NAPB: variants seen among roughly 807,000 people sequenced by gnomAD.
The protein encoded by NAPB is NSF attachment protein beta.
Under a neutral mutation model 44.7 loss-of-function variants are expected in NAPB, and 26 were observed. That is an observed-to-expected ratio of 0.58 (90% CI 0.43 to 0.81). The LOEUF is 0.81. Among genes scored for constraint, NAPB ranks in the 30% least tolerant of loss-of-function variants. The probability of loss-of-function intolerance (pLI) is 0.00; values close to 1 mark genes in which losing one functional copy is unlikely to be tolerated. For missense variants in NAPB, 315 were observed against 356.4 expected, an observed-to-expected ratio of 0.88 and a Z score of 0.94; for synonymous variants, 120 against 116.8, an observed-to-expected ratio of 1.03 and a Z score of -0.18.
chr20:23,415,156 C>G (rs1448461899), intron 1 of NAPB, among the ~76,000 whole-genome samples: 1 of 151,984 alleles, frequency 6.6e-6, no homozygotes, highest in African/African-American at 2.4e-5. Context: ...GTCTGAAAAT[C>G]AAGATATCAG....
rs1023785911 is a variant in NAPB at position 23,374,844 on chromosome 20, AAG to A, written c.*2530_*2531del. ...ACTGCTTTCAAATCATTAAATAAAA[AAG>A]AACTCACACAAGCTATAAAAATGTT... is the stretch of plus-strand genomic sequence containing the variant. On this transcript the variant is annotated 3_prime_UTR_variant, in exon 11 of 11. Coordinates refer to ENST00000377026, the MANE Select transcript of NAPB (RefSeq NM_022080.3). The A allele has an allele frequency of 7.2e-5, 11 of 152,376 alleles. No homozygotes were observed. The highest frequency in any genetic ancestry group is 1.9e-4 in the East Asian group (1 of 5,166). The allele number at this position is 152,376 out of a possible 1,614,324, so 9.4% of individuals were successfully genotyped here. A position where few individuals can be genotyped will look rare whatever the true frequency, so the allele number is the denominator to read the frequency against.
chr20:23,416,788 T>G (rs1447900804), intron 1 of NAPB, among the ~76,000 whole-genome samples: 1 of 152,228 alleles, frequency 6.6e-6, no homozygotes. Context: ...GCTTCACCTA[T>G]GTTATCACAT....
At chr20:23,401,880 C>T (rs187347119) in intron 2 of NAPB, among the ~76,000 whole-genome samples, 2 of 150,362 alleles carry the variant, frequency 1.3e-5, no homozygotes, top group Admixed American at 6.7e-5. Context: ...GACTCTGTCT[C>T]GAATAAATAA....
At position 23,421,479 on chromosome 20, in the gene NAPB, C is replaced by T; in HGVS notation, c.-77G>A. 7.4e-7 allele frequency: 1 copy of T among 1,343,364 alleles called. No individual in the cohort carries two copies. Among genetic ancestry groups the T allele is most frequent in the Admixed American group, 2.7e-5 (1 of 37,712 alleles). The allele number at this position is 1,343,364 out of a possible 1,614,324, so 83.2% of individuals were successfully genotyped here. On this transcript the variant is annotated 5_prime_UTR_variant, in exon 1 of 11. Coordinates refer to ENST00000377026, the MANE Select transcript of NAPB (RefSeq NM_022080.3). ...GGCGCCTTAACCCTCCCTCTGGCGG[C>T]CGCAGGGACGCAGGCGCAGGCGCGA...
chr20:23,396,900 T>G (rs1018621111), intron 3 of NAPB, 172 bp downstream of exon 3: 5 of 517,904 alleles, frequency 9.7e-6, no homozygotes, highest in African/African-American at 3.9e-5. Flanking sequence ...AGCCCCCAAA[T>G]GATTAAAAAA....
At chr20:23,417,772 T>C (rs1214757473) in intron 1 of NAPB, among the ~76,000 whole-genome samples, 5 of 152,092 alleles carry the variant, frequency 3.3e-5, no homozygotes, top group Non-Finnish European at 5.9e-5. Context: ...CCTGCAATGT[T>C]TGCATCCCTT....
At position 23,421,484 on chromosome 20, in the gene NAPB, G is replaced by A; in HGVS notation, c.-82C>T. ...CTTAACCCTCCCTCTGGCGGCCGCAGGGACGCAGGCGCAGGCGCGACGCGC... is the reference window on the plus strand; with the variant it reads ...CTTAACCCTCCCTCTGGCGGCCGCAAGGACGCAGGCGCAGGCGCGACGCGC... On this transcript the variant is annotated 5_prime_UTR_variant, in exon 1 of 11. Transcript: ENST00000377026. The A allele has an allele frequency of 7.7e-7, 1 of 1,301,788 alleles. No individual in the cohort carries two copies. 80.6% of individuals were successfully genotyped at this position (1,301,788 alleles called of 1,614,324 possible).
chr20:23,375,564 T>G lies in NAPB; in HGVS notation c.*1812A>C, dbSNP rs1047203448. ...TCTCTGATCATTTTTTCATAAGAGA[T>G]TCTAAGAGGGAGTGAAAAAGTACCA... is the stretch of plus-strand genomic sequence containing the variant. On this transcript the variant is annotated 3_prime_UTR_variant, in exon 11 of 11. Coordinates refer to ENST00000377026, the MANE Select transcript of NAPB (RefSeq NM_022080.3). The G allele has an allele frequency of 6.6e-6, 1 of 152,174 alleles. No homozygotes were observed. The highest frequency in any genetic ancestry group is 1.5e-5 in the Non-Finnish European group (1 of 68,036). 9.4% of individuals were successfully genotyped at this position (152,174 alleles called of 1,614,324 possible).
At position 23,377,042 on chromosome 20, in the gene NAPB, A is replaced by G. The variant is rs1030916183; in HGVS notation, c.*334T>C. 20 of 164,946 alleles carry G rather than the reference A, an allele frequency of 1.2e-4. No homozygotes were observed. Among genetic ancestry groups the G allele is most frequent in the Admixed American group, 2.5e-4 (4 of 15,694 alleles). 10.2% of individuals were successfully genotyped at this position (164,946 alleles called of 1,614,324 possible). Reference sequence around the variant, plus strand: ...TGAGAACAACTGGGCTGAGTACTCAAGTCCAACAAAAAGGACATAAAAACA... The same window carrying G: ...TGAGAACAACTGGGCTGAGTACTCAGGTCCAACAAAAAGGACATAAAAACA... On this transcript the variant is annotated 3_prime_UTR_variant, in exon 11 of 11. Transcript: ENST00000377026.
At chr20:23,397,232 C>CT in intron 2 of NAPB, 44 bp from the exon 3 acceptor site, 1 of 1,575,544 alleles carries the variant, frequency 6.3e-7, no homozygotes, top group Non-Finnish European at 8.7e-7. Flanking sequence ...CAAGTCCCCC[C>CT]CAGAGCAGCC....
Position 23,378,826 on chromosome 20 carries a change from C to CTTTTTTTTTTTTTTTTTT in NAPB, c.786+618_786+619insAAAAAAAAAAAAAAAAAA, listed in dbSNP as rs202043703. 2 of 95,694 alleles carry CTTTTTTTTTTTTTTTTTT rather than the reference C, an allele frequency of 2.1e-5. 1 individual carries two copies. Among genetic ancestry groups the CTTTTTTTTTTTTTTTTTT allele is most frequent in the African/African-American group, 7.2e-5 (2 of 27,694 alleles). The allele number at this position is 95,694 out of a possible 1,614,324, so 5.9% of individuals were successfully genotyped here. A position where few individuals can be genotyped will look rare whatever the true frequency, so the allele number is the denominator to read the frequency against. Reference sequence around the variant, plus strand: ...TTAAATTATATTTAATTTTTTTTTTCTTTTTTTTTTTGAGACAGAGTCTCG... The same window carrying CTTTTTTTTTTTTTTTTTT: ...TTAAATTATATTTAATTTTTTTTTTCTTTTTTTTTTTTTTTTTTTTTTTTTTTTTGAGACAGAGTCTCG... On this transcript the variant is annotated intron_variant, in intron 10 of 10. Coordinates refer to ENST00000377026, the MANE Select transcript of NAPB (RefSeq NM_022080.3).
At position 23,403,716 on chromosome 20, in the gene NAPB, A is replaced by T. The variant is rs1985029823; in HGVS notation, c.99-644T>A. Among the ~76,000 whole-genome samples, 3 of 152,274 alleles carry T rather than the reference A, an allele frequency of 2.0e-5. No individual in the cohort carries two copies. In the South Asian group the frequency reaches 6.2e-4, roughly 32 times the overall value. ...AATCAGAGTCCTTCCCATCTATAAA[A>T]GCTGGAAGTTTTATATCAGTCTGAG... On this transcript the variant is annotated intron_variant, in intron 1 of 10. Coordinates refer to ENST00000377026, the MANE Select transcript of NAPB (RefSeq NM_022080.3).
intron 5 of NAPB, among the ~76,000 whole-genome samples, chr20:23,394,631 G>C (rs1243181704): frequency 6.6e-6 from 1 of 152,200 alleles, no homozygotes; most frequent in Non-Finnish European, 1.5e-5. Context: ...AGAGTACTAA[G>C]CAATACAGCT....
At chr20:23,387,220 G>C (rs1186078745) in intron 7 of NAPB, among the ~76,000 whole-genome samples, 4 of 152,102 alleles carry the variant, frequency 2.6e-5, no homozygotes, top group Admixed American at 6.6e-5. Context: ...ACTAGGAAGA[G>C]AGGGGAACTG....
At chr20:23,395,670 A>G (rs1984306280) in intron 3 of NAPB, among the ~76,000 whole-genome samples, 1 of 152,242 alleles carries the variant, frequency 6.6e-6, no homozygotes, top group Non-Finnish European at 1.5e-5. Flanking sequence ...TGAAATGCCT[A>G]TTCAAACAAC....
At chr20:23,382,869 G>A (rs2123139336) in intron 7 of NAPB, among the ~76,000 whole-genome samples, 1 of 152,154 alleles carries the variant, frequency 6.6e-6, no homozygotes, top group East Asian at 1.9e-4. Flanking sequence ...AAGAGAAAAG[G>A]GCTGGCTGGG....
chr20:23,381,226 T>G lies in NAPB; in HGVS notation c.653A>C (p.Glu218Ala). The G allele has an allele frequency of 9.3e-6, 15 of 1,613,054 alleles. No homozygotes were observed. The highest frequency in any genetic ancestry group is 1.3e-5 in the Non-Finnish European group (15 of 1,179,120). ...KAALCHFIVD[E>A]LNAKLALEKY... Reference sequence around the variant, plus strand: ...AGAACTCCTTACCTTGGCATTCAACTCGTCTACTATGAAGTGGCAGAGGGC... The same window carrying G: ...AGAACTCCTTACCTTGGCATTCAACGCGTCTACTATGAAGTGGCAGAGGGC... Residue 218 changes from glutamate to alanine, a missense_variant, in exon 8 of 11, where the codon GAG becomes GCG. This residue lies in a region of NAPB where 120 missense variants were observed against 130.5 expected (regional missense o/e 0.92). Coordinates refer to ENST00000377026, the MANE Select transcript of NAPB (RefSeq NM_022080.3).
intron 2 of NAPB, among the ~76,000 whole-genome samples, chr20:23,401,109 C>G (rs912349646): frequency 6.6e-6 from 1 of 152,036 alleles, no homozygotes; most frequent in Non-Finnish European, 1.5e-5. Flanking sequence ...CAGCAACATT[C>G]TGTTTGGGGA....
At chr20:23,413,157 C>A (rs1985776618) in intron 1 of NAPB, among the ~76,000 whole-genome samples, 1 of 151,876 alleles carries the variant, frequency 6.6e-6, no homozygotes, top group African/African-American at 2.4e-5. Context: ...GTAAAGTGTA[C>A]CTGGACCATT....
Sources: gnomAD v4.1 joint callset for allele counts (sites outside exome capture counted in the v4.1 genomes callset) on GRCh38, gnomAD v4.1.1 for gene constraint, gnomAD v4.1.1 regional missense constraint, MANE v1.5 for transcripts, NCBI Gene and HGNC (gene_info 2026-07-23, HGNC 2026-07-21) for gene names.